DNAH7: variants seen among roughly 807,000 people sequenced by gnomAD.
DNAH7 encodes the protein axonemal beta dynein heavy chain 7.
In DNAH7, 397 loss-of-function variants were observed where a neutral mutation model predicts 444.6. The observed-to-expected ratio is 0.89, with a 90% CI of 0.82 to 0.97. The LOEUF is 0.97. DNAH7 is among the 50% of genes least tolerant of loss of function. DNAH7 has a pLI of 0.00. For synonymous variants in DNAH7, 1,636 were observed against 1,624.4 expected (o/e 1.01, Z -0.17); for missense variants, 4,902 against 4,800.8 (o/e 1.02, Z -0.62).
intron 24 of DNAH7, among the ~76,000 whole-genome samples, chr2:195,920,650 T>C (rs970820896): frequency 8.5e-5 from 13 of 152,306 alleles, no homozygotes; most frequent in African/African-American, 2.9e-4. Flanking sequence ...CTTCTAGACA[T>C]TGGCTTAGGC....
rs78841062 is a variant in DNAH7 at position 195,878,577 on chromosome 2, G to T, written c.5962-1878C>A. Among the ~76,000 whole-genome samples, 63 of 152,244 alleles carry T rather than the reference G, an allele frequency of 4.1e-4. 1 individual carries two copies. The East Asian group carries it at 9.8e-3, about 24-fold the overall frequency. On this transcript the variant is annotated intron_variant, in intron 36 of 64. Coordinates refer to ENST00000312428, the MANE Select transcript of DNAH7 (RefSeq NM_018897.3). Reference sequence around the variant, plus strand: ...ATTGTGCCACTGCATTCCAGCCTAGGGGACAGAGCAAGACCCTGTCTCTCA... The same window carrying T: ...ATTGTGCCACTGCATTCCAGCCTAGTGGACAGAGCAAGACCCTGTCTCTCA...
chr2:195,960,052 A>G (rs1690974574), intron 18 of DNAH7, among the ~76,000 whole-genome samples: 1 of 152,234 alleles, frequency 6.6e-6, no homozygotes, highest in Admixed American at 6.5e-5. Flanking sequence ...ATAGCAATGA[A>G]GCCATTGATT....
rs202245796 is a variant in DNAH7, at chr2:196,024,433, C to A, written c.739G>T (p.Ala247Ser). The change falls in exon 8 of 65, where the codon GCT (alanine) becomes TCT (serine). Residue 247 changes from alanine to serine, a missense_variant. By Grantham distance (99) the Ala-to-Ser change is moderately conservative. Coordinates refer to ENST00000312428, the MANE Select transcript of DNAH7 (RefSeq NM_018897.3). ...TAGAGAAATCTGATCACTTACTCAG[C>A]ACGATGGGCTGGAAGTTCATCTGTC... is the stretch of plus-strand genomic sequence containing the variant. ...KKTDELPAHR[A>S]EMEILPKPWR... 1.9e-4 allele frequency: 297 copies of A among 1,581,040 alleles called. No homozygotes were observed. The highest frequency in any genetic ancestry group is 2.4e-4 in the Non-Finnish European group (278 of 1,166,098).
intron 6 of DNAH7, 108 bp downstream of exon 6, chr2:196,027,852 C>T (rs1695786720): frequency 1.1e-6 from 1 of 932,916 alleles, no homozygotes; most frequent in Non-Finnish European, 1.6e-6. Context: ...ATTCCTATGT[C>T]CACAGAGTTT....
chr2:195,803,754 T>G (rs1480707592), intron 54 of DNAH7, among the ~76,000 whole-genome samples: 6 of 152,258 alleles, frequency 3.9e-5, no homozygotes, highest in African/African-American at 1.4e-4. Context: ...GACAAGTTTC[T>G]TATTGAAAGC....
chr2:195,928,343 T>C (rs1688474092), intron 21 of DNAH7, among the ~76,000 whole-genome samples: 1 of 152,176 alleles, frequency 6.6e-6, no homozygotes, highest in South Asian at 2.1e-4. Context: ...TTTCTCCAAG[T>C]ACTTTGACAA....
chr2:195,780,542 A>G (rs1559091337), intron 58 of DNAH7, among the ~76,000 whole-genome samples: 1 of 152,100 alleles, frequency 6.6e-6, no homozygotes, highest in Non-Finnish European at 1.5e-5. Flanking sequence ...GGAGGTCAGG[A>G]GTTTGATACC....
intron 63 of DNAH7, among the ~76,000 whole-genome samples, chr2:195,752,389 T>C (rs1693845100): frequency 6.6e-6 from 1 of 152,078 alleles, no homozygotes; most frequent in South Asian, 2.1e-4. Context: ...TGGATGGTGG[T>C]GCCATTTATT....
intron 61 of DNAH7, among the ~76,000 whole-genome samples, chr2:195,769,044 T>A (rs933028797): frequency 6.6e-6 from 1 of 152,158 alleles, no homozygotes. Flanking sequence ...ATTGCTACAT[T>A]GGTCACAGAT....
In DNAH7 at chr2:195,994,326, T is replaced by G. The variant is rs966203544; in HGVS notation, c.1354-6097A>C. 7.6e-5 allele frequency: 43 copies of G among 569,202 alleles called. 1 individual carries two copies. In the African/African-American group the frequency reaches 8.2e-4, roughly 11 times the overall value. 35.3% of individuals were successfully genotyped at this position (569,202 alleles called of 1,614,324 possible). ...AAAGATATCACTGATGCCTTCCTCC[T>G]CCCCAAGGCTCAGGAGACAGTCCTC... On this transcript the variant is annotated intron_variant, in intron 12 of 64. Transcript: ENST00000312428.
Position 195,752,960 on chromosome 2 carries a change from G to A in DNAH7, c.11764+1377C>T, listed in dbSNP as rs1030906368. Reference sequence around the variant, plus strand: ...GAGGAATTTTGCTATACTGGTGAGCGGAGATACAGGACAGCAGCTGAGGGG... The same window carrying A: ...GAGGAATTTTGCTATACTGGTGAGCAGAGATACAGGACAGCAGCTGAGGGG... On this transcript the variant is annotated intron_variant, in intron 63 of 64. Transcript: ENST00000312428. 3.3e-5 allele frequency among the ~76,000 whole-genome samples: 5 copies of A among 152,164 alleles called. No homozygotes were observed. The South Asian group carries it at 6.2e-4, about 19-fold the overall frequency.
chr2:195,824,897 GCTC>G (rs1482500594), intron 48 of DNAH7: 1 of 152,622 alleles, frequency 6.6e-6, no homozygotes, highest in African/African-American at 2.4e-5. Flanking sequence ...ATGGAAAACT[GCTC>G]CTAATTAGAT....
At chr2:195,948,120 T>TC in intron 19 of DNAH7, among the ~76,000 whole-genome samples, 1 of 152,186 alleles carries the variant, frequency 6.6e-6, no homozygotes, top group Non-Finnish European at 1.5e-5. Context: ...TCACATGCCT[T>TC]GCCCACTTTC....
chr2:195,875,582 T>C (rs550811018), intron 38 of DNAH7, 93 bp downstream of exon 38: 1 of 1,191,434 alleles, frequency 8.4e-7, no homozygotes, highest in East Asian at 2.5e-5. Context: ...CACAAAACAC[T>C]GCAACTCAAA....
chr2:195,998,015 G>A (rs890951499), intron 12 of DNAH7, among the ~76,000 whole-genome samples: 9 of 152,094 alleles, frequency 5.9e-5, no homozygotes, highest in African/African-American at 1.9e-4. Context: ...AAGTACCTTT[G>A]AACCTAAAAT....
chr2:195,894,725 AAG>A, intron 30 of DNAH7: 1 of 259,136 alleles, frequency 3.9e-6, no homozygotes, highest in East Asian at 7.4e-5. Flanking sequence ...TTTTTTCTAC[AAG>A]AGACATGTAT....
chr2:195,862,550 T>A (rs545843259), intron 41 of DNAH7, among the ~76,000 whole-genome samples: 59 of 152,192 alleles, frequency 3.9e-4, no homozygotes, highest in African/African-American at 1.4e-3. Flanking sequence ...CTTGCCAATC[T>A]CTAACTGATT....
At chr2:196,004,565 G>A (rs1694242408) in intron 10 of DNAH7, among the ~76,000 whole-genome samples, 1 of 152,082 alleles carries the variant, frequency 6.6e-6, no homozygotes, top group African/African-American at 2.4e-5. Flanking sequence ...CAAGATGAAT[G>A]GAAACGAAAA....
At chr2:195,783,839 A>G (rs1441241793) in intron 58 of DNAH7, among the ~76,000 whole-genome samples, 1 of 152,254 alleles carries the variant, frequency 6.6e-6, no homozygotes, top group Admixed American at 6.5e-5. Context: ...TAACAACAGA[A>G]TAACCACCAA....
Sources: gnomAD v4.1 joint callset for allele counts (sites outside exome capture counted in the v4.1 genomes callset) on GRCh38, gnomAD v4.1.1 for gene constraint, MANE v1.5 for transcripts, NCBI Gene and HGNC (gene_info 2026-07-23, HGNC 2026-07-21) for gene names.